Variants in ROBO1 observed in about 807,000 individuals in gnomAD.
The protein encoded by ROBO1 is roundabout homolog 1.
In ROBO1, 149 loss-of-function variants were observed where a neutral mutation model predicts 195.9. The ratio of observed to expected loss-of-function variants is 0.76; its 90% CI spans 0.67 to 0.87. ROBO1 has a LOEUF of 0.87. Among genes scored for constraint, ROBO1 ranks in the 40% least tolerant of loss-of-function variants. The pLI is 0.00. For synonymous variants in ROBO1, 816 were observed against 733.2 expected (o/e 1.11, Z -1.82); for missense variants, 1,933 against 2,068.3 (o/e 0.93, Z 1.27).
chr3:79,494,813 T>C (rs1413414017), intron 2 of ROBO1, among the ~76,000 whole-genome samples: 1 of 152,136 alleles, frequency 6.6e-6, no homozygotes, highest in African/African-American at 2.4e-5. Context: ...AAAGAAACAG[T>C]TACTGCAGGA....
intron 1 of ROBO1, among the ~76,000 whole-genome samples, chr3:79,633,921 T>C (rs9841422): frequency 0.87 from 132,179 of 152,022 alleles, 57,519 homozygotes; most frequent in East Asian, 0.9. Context: ...GGACAGGACC[T>C]GCAGCAGACA....
In ROBO1 at chr3:78,717,866, G is replaced by C. The variant is rs756416616; in HGVS notation, c.675C>G (p.Leu225=). The change falls in exon 6 of 31, where the codon CTC becomes CTG. Residue 225 remains leucine (L), a synonymous_variant. Transcript: ENST00000464233. ...CACTTTTACGGGTGTAAGTGATCAT[G>C]AGCTTTCCTCCTCGTATCTTAAAAA... is the stretch of plus-strand genomic sequence containing the variant. ...DERITIRGGK[L]MITYTRKSDA... is the part of the protein sequence containing the mutation. The C allele has an allele frequency of 6.2e-7, 1 of 1,613,400 alleles. No individual in the cohort carries two copies. The highest frequency in any genetic ancestry group is 2.2e-5 in the East Asian group (1 of 44,848).
intron 2 of ROBO1, among the ~76,000 whole-genome samples, chr3:79,383,292 TATTG>T (rs995706198): frequency 3.3e-5 from 5 of 152,210 alleles, no homozygotes; most frequent in African/African-American, 9.6e-5. Context: ...TCTTTTATTT[TATTG>T]ATTATTATTA....
chr3:79,184,790 T>C (rs1174580564), intron 2 of ROBO1, among the ~76,000 whole-genome samples: 1 of 152,186 alleles, frequency 6.6e-6, no homozygotes, highest in Non-Finnish European at 1.5e-5. Context: ...TTCGATTGTA[T>C]GTATTCCTAT....
rs1433999665 is a variant in ROBO1 at position 78,657,236 on chromosome 3, T to A, written c.2476A>T (p.Ile826Phe). Reference protein sequence around the residue: ...WCLGNETRYHINKTVDGSTFS... With the variant: ...WCLGNETRYHFNKTVDGSTFS... The stretch of plus-strand genomic sequence containing the variant: ...GTGGAACCATCCACTGTTTTGTTGA[T>A]GTGGTATCGAGTTTCATTGCCCAGA... The change falls in exon 18 of 31, where the codon ATC becomes TTC. Residue 826 changes from isoleucine (I) to phenylalanine (F), a missense_variant. Around this residue, in one of 3 missense-constraint regions of ROBO1, gnomAD observed 1,737 missense variants for 1,882.5 expected, o/e 0.92. Coordinates refer to ENST00000464233, the MANE Select transcript of ROBO1 (RefSeq NM_002941.4). The A allele has an allele frequency of 1.9e-6, 3 of 1,613,712 alleles. No individual in the cohort carries two copies. Among genetic ancestry groups the A allele is most frequent in the Non-Finnish European group, 2.5e-6 (3 of 1,179,758 alleles).
chr3:79,384,623 T>C (rs2036675282), intron 2 of ROBO1, among the ~76,000 whole-genome samples: 1 of 152,050 alleles, frequency 6.6e-6, no homozygotes, highest in Non-Finnish European at 1.5e-5. Context: ...AAGTTGAGTT[T>C]AATTTTAAAT....
chr3:79,340,282 C>A (rs910433238), intron 2 of ROBO1, among the ~76,000 whole-genome samples: 2 of 152,170 alleles, frequency 1.3e-5, no homozygotes, highest in Non-Finnish European at 2.9e-5. Flanking sequence ...TGCTTTATAC[C>A]ATTGCAATCT....
At chr3:78,808,883 C>A (rs1576207497) in intron 4 of ROBO1, among the ~76,000 whole-genome samples, 1 of 152,178 alleles carries the variant, frequency 6.6e-6, no homozygotes, top group East Asian at 1.9e-4. Flanking sequence ...AGAGCTAAAA[C>A]CATAAAAACA....
chr3:78,789,024 C>T (rs1576168784), intron 4 of ROBO1, among the ~76,000 whole-genome samples: 1 of 152,150 alleles, frequency 6.6e-6, no homozygotes, highest in Non-Finnish European at 1.5e-5. Context: ...ATAGGCTGGG[C>T]CAAACACTAA....
At chr3:79,494,517 G>C (rs1218813862) in intron 2 of ROBO1, among the ~76,000 whole-genome samples, 1 of 152,120 alleles carries the variant, frequency 6.6e-6, no homozygotes, top group Non-Finnish European at 1.5e-5. Flanking sequence ...AGGATGAAAA[G>C]TGAACTACAG....
At chr3:79,721,810 T>C (rs1702714808) in intron 1 of ROBO1, among the ~76,000 whole-genome samples, 1 of 152,214 alleles carries the variant, frequency 6.6e-6, no homozygotes, top group South Asian at 2.1e-4. Flanking sequence ...ATATTTTCCA[T>C]GTATATCCAA....
chr3:79,499,676 T>C (rs1199700153), intron 2 of ROBO1, among the ~76,000 whole-genome samples: 1 of 152,182 alleles, frequency 6.6e-6, no homozygotes, highest in Non-Finnish European at 1.5e-5. Context: ...TATTGTGTTA[T>C]GGTAATGTGA....
intron 3 of ROBO1, among the ~76,000 whole-genome samples, chr3:78,962,851 T>TAAAAAAAAAA: frequency 7.6e-6 from 1 of 131,928 alleles, no homozygotes; most frequent in Non-Finnish European, 1.6e-5. Flanking sequence ...AAAAAAAAAC[T>TAAAAAAAAAA]TTTCACATTT....
intron 4 of ROBO1, among the ~76,000 whole-genome samples, chr3:78,930,041 G>T (rs568562200): frequency 2.0e-5 from 3 of 152,054 alleles, no homozygotes; most frequent in Non-Finnish European, 4.4e-5. Flanking sequence ...ATTCCAGAAC[G>T]AAAGAAAACA....
chr3:79,516,574 A>G (rs910687583), intron 2 of ROBO1, among the ~76,000 whole-genome samples: 2 of 152,150 alleles, frequency 1.3e-5, no homozygotes, highest in African/African-American at 4.8e-5. Flanking sequence ...ACACAAACAA[A>G]CATGGATATA....
At chr3:79,357,629 C>G (rs954108436) in intron 2 of ROBO1, among the ~76,000 whole-genome samples, 8 of 152,148 alleles carry the variant, frequency 5.3e-5, no homozygotes. Context: ...TGAACTGGAT[C>G]TACCACAAGT....
At chr3:79,409,058 G>C (rs1393694928) in intron 2 of ROBO1, among the ~76,000 whole-genome samples, 1 of 151,932 alleles carries the variant, frequency 6.6e-6, no homozygotes, top group Non-Finnish European at 1.5e-5. Context: ...TAAGAAACAG[G>C]ACAAATTATA....
At chr3:78,886,074 TA>T (rs1200057975) in intron 4 of ROBO1, among the ~76,000 whole-genome samples, 5 of 151,444 alleles carry the variant, frequency 3.3e-5, no homozygotes, top group Middle Eastern at 3.4e-3. Flanking sequence ...GCTTTGTTTA[TA>T]AAAAAACAAC....
At chr3:79,499,454 T>C (rs1251386263) in intron 2 of ROBO1, among the ~76,000 whole-genome samples, 1 of 152,196 alleles carries the variant, frequency 6.6e-6, no homozygotes, top group Non-Finnish European at 1.5e-5. Context: ...TAGTCCAACC[T>C]GTAGGCTATT....
Sources: allele counts gnomAD v4.1 joint callset (sites outside exome capture counted in the v4.1 genomes callset), GRCh38; gene constraint gnomAD v4.1.1; regional missense constraint gnomAD v4.1.1; transcripts MANE v1.5; gene names NCBI Gene and HGNC (gene_info 2026-07-23, HGNC 2026-07-21).